Variants in RASAL2 observed in about 807,000 individuals in gnomAD.
RASAL2 encodes ras GTPase-activating protein nGAP.
RASAL2 carries 58 observed loss-of-function variants against 128.9 expected under a neutral mutation model. The observed-to-expected ratio is 0.45, with a 90% CI of 0.36 to 0.56. The LOEUF (loss-of-function observed/expected upper bound fraction) is 0.56. RASAL2 is among the 20% of genes least tolerant of loss of function. The probability of loss-of-function intolerance (pLI) is 0.00; values close to 1 mark genes in which losing one functional copy is unlikely to be tolerated. For synonymous variants in RASAL2, 561 were observed against 580.8 expected, an observed-to-expected ratio of 0.97 and a Z score of 0.49; for missense variants, 1,360 against 1,601.6, an observed-to-expected ratio of 0.85 and a Z score of 2.57.
intron 1 of RASAL2, among the ~76,000 whole-genome samples, chr1:178,252,133 C>T (rs1000285479): frequency 6.6e-6 from 1 of 151,846 alleles, no homozygotes; most frequent in Non-Finnish European, 1.5e-5. Flanking sequence ...CCTCGTAATC[C>T]ACTTTGAGAT....
At chr1:178,371,476 G>A (rs1310045012) in intron 3 of RASAL2, among the ~76,000 whole-genome samples, 1 of 151,992 alleles carries the variant, frequency 6.6e-6, no homozygotes, top group Non-Finnish European at 1.5e-5. Flanking sequence ...AAGTGGACTT[G>A]TAATATCCTT....
intron 3 of RASAL2, among the ~76,000 whole-genome samples, chr1:178,360,869 T>C (rs532487238): frequency 2.0e-5 from 3 of 152,292 alleles, no homozygotes; most frequent in African/African-American, 7.2e-5. Context: ...AATAATAGAG[T>C]TTTATCCCTT....
At chr1:178,303,786 G>A (rs190988020) in intron 3 of RASAL2, among the ~76,000 whole-genome samples, 2 of 152,176 alleles carry the variant, frequency 1.3e-5, no homozygotes, top group East Asian at 3.9e-4. Flanking sequence ...CGTAGAAAAT[G>A]AGCAAGAGGC....
intron 3 of RASAL2, chr1:178,372,147 G>A (rs1358077890): frequency 1.0e-6 from 1 of 984,500 alleles, no homozygotes; most frequent in Non-Finnish European, 1.2e-6. Flanking sequence ...CAATTTAAGT[G>A]TTGGACCCCC....
chr1:178,336,209 T>C (rs188413713), intron 3 of RASAL2, among the ~76,000 whole-genome samples: 232 of 152,068 alleles, frequency 1.5e-3, no homozygotes, highest in African/African-American at 5.4e-3. Context: ...TAATGCTTGA[T>C]AACAGTCTTT....
chr1:178,469,663 G>A (rs1648080219), intron 17 of RASAL2, among the ~76,000 whole-genome samples: 1 of 152,218 alleles, frequency 6.6e-6, no homozygotes, highest in Non-Finnish European at 1.5e-5. Flanking sequence ...CTTCAAGACA[G>A]TGGTTTTGAA....
At chr1:178,150,144 A>G (rs973326763) in intron 1 of RASAL2, among the ~76,000 whole-genome samples, 5 of 152,174 alleles carry the variant, frequency 3.3e-5, no homozygotes, top group Non-Finnish European at 7.3e-5. Context: ...TAAAAGCCTT[A>G]TATTATTGAC....
intron 1 of RASAL2, among the ~76,000 whole-genome samples, chr1:178,162,059 G>T (rs1661321991): frequency 1.3e-5 from 2 of 150,456 alleles, no homozygotes; most frequent in South Asian, 4.2e-4. Context: ...CCGCCTCTCA[G>T]CTTCACGCCA....
At chr1:178,318,178 T>A (rs1253792600) in intron 3 of RASAL2, among the ~76,000 whole-genome samples, 1 of 151,914 alleles carries the variant, frequency 6.6e-6, no homozygotes, top group Non-Finnish European at 1.5e-5. Context: ...TAATTTCTGT[T>A]CTTTTACATT....
chr1:178,204,997 C>T (rs1383490234), intron 1 of RASAL2, among the ~76,000 whole-genome samples: 1 of 152,100 alleles, frequency 6.6e-6, no homozygotes, highest in African/African-American at 2.4e-5. Context: ...GGTGTCAAAG[C>T]ATCTTTGCTG....
chr1:178,270,218 A>G (rs1666183077), intron 1 of RASAL2, among the ~76,000 whole-genome samples: 1 of 151,654 alleles, frequency 6.6e-6, no homozygotes, highest in Non-Finnish European at 1.5e-5. Context: ...GTTTTTATCA[A>G]TTTTGCTGGA....
At chr1:178,254,956 T>C (rs1404973478) in intron 1 of RASAL2, among the ~76,000 whole-genome samples, 2 of 151,552 alleles carry the variant, frequency 1.3e-5, no homozygotes, top group Non-Finnish European at 2.9e-5. Context: ...GAAGCTCCAG[T>C]GAGATTAACA....
intron 1 of RASAL2, among the ~76,000 whole-genome samples, chr1:178,127,739 A>G (rs551263513): frequency 3.3e-5 from 5 of 152,196 alleles, no homozygotes; most frequent in African/African-American, 1.2e-4. Flanking sequence ...TCTAGAATCT[A>G]GACTTTTCAT....
chr1:178,158,256 G>A (rs950088156), intron 1 of RASAL2, among the ~76,000 whole-genome samples: 3 of 152,222 alleles, frequency 2.0e-5, no homozygotes, highest in African/African-American at 7.2e-5. Flanking sequence ...CAAAGGAATA[G>A]GCTTTGGAAT....
Position 178,418,698 on chromosome 1 carries a change from T to C in RASAL2, c.565-1813T>C, listed in dbSNP as rs116375667. Among the ~76,000 whole-genome samples, 407 of 152,354 alleles carry C rather than the reference T, an allele frequency of 2.7e-3. 2 individuals are homozygous for C. The highest frequency in any genetic ancestry group is 4.6e-3 in the Non-Finnish European group (312 of 68,034). On this transcript the variant is annotated intron_variant, in intron 4 of 17. Transcript: ENST00000367649. The stretch of plus-strand genomic sequence containing the variant: ...GGCTTGGTAAAACACTGTGGCAGTC[T>C]ATACTGTTGTTCACCAAATATTTTC...
intron 3 of RASAL2, among the ~76,000 whole-genome samples, chr1:178,312,295 C>CA (rs35694447): frequency 2.6e-5 from 4 of 151,832 alleles, no homozygotes; most frequent in East Asian, 1.9e-4. Flanking sequence ...TACAAACCTG[C>CA]AAAAAAAGGG....
At chr1:178,200,526 C>T (rs1662827819) in intron 1 of RASAL2, among the ~76,000 whole-genome samples, 3 of 152,310 alleles carry the variant, frequency 2.0e-5, no homozygotes, top group African/African-American at 7.2e-5. Flanking sequence ...CTTCTAACTG[C>T]TGGCTTCAGA....
At chr1:178,110,597 T>TACTGTATATATACACTATATAC (rs1254902225) in intron 1 of RASAL2, among the ~76,000 whole-genome samples, 1 of 145,840 alleles carries the variant, frequency 6.9e-6, no homozygotes, top group Non-Finnish European at 1.5e-5. Flanking sequence ...ATGCTATATA[T>TACTGTATATATACACTATATAC]ACTGTATATA....
intron 5 of RASAL2, among the ~76,000 whole-genome samples, chr1:178,425,331 T>TA (rs1675449487): frequency 6.6e-6 from 1 of 152,168 alleles, no homozygotes; most frequent in African/African-American, 2.4e-5. Context: ...GTTTTTAACT[T>TA]AATGGGTGAA....
Sources: gnomAD v4.1 joint callset for allele counts (sites outside exome capture counted in the v4.1 genomes callset) on GRCh38, gnomAD v4.1.1 for gene constraint, MANE v1.5 for transcripts, NCBI Gene and HGNC (gene_info 2026-07-23, HGNC 2026-07-21) for gene names.